The following SUGCT variants were observed in gnomAD, a reference collection of about 807,000 sequenced individuals.
SUGCT encodes the protein succinyl-CoA:glutarate-CoA transferase.
SUGCT carries 41 observed loss-of-function variants against 55.0 expected under a neutral mutation model. The ratio of observed to expected loss-of-function variants is 0.74; its 90% CI spans 0.58 to 0.97. SUGCT has a LOEUF of 0.97. SUGCT is among the 50% of genes least tolerant of loss of function. The probability of loss-of-function intolerance (pLI) is 0.00; values close to 1 mark genes in which losing one functional copy is unlikely to be tolerated. For missense variants in SUGCT, 568 were observed against 547.8 expected (o/e 1.04, Z -0.37); for synonymous variants, 187 against 200.4 (o/e 0.93, Z 0.56).
At chr7:40,922,932 C>A in the SUGCT span, among the ~76,000 whole-genome samples, 1 of 152,208 alleles carries the variant, frequency 6.6e-6, no homozygotes, top group Non-Finnish European at 1.5e-5. Flanking sequence ...GAGATTTGCC[C>A]TCTGAGCTGT....
rs576496544 is a variant in SUGCT at position 40,325,698 on chromosome 7, C to T, written c.816+8843C>T. Among the ~76,000 whole-genome samples, 12 of 152,102 alleles carry T rather than the reference C, an allele frequency of 7.9e-5. No individual in the cohort carries two copies. The South Asian group carries it at 1.2e-3, about 16-fold the overall frequency. ...GTGCGTGCCGGTAATCCCAGCTACT[C>T]GGGAGGCTGAGGCAGGAGAATCGCT... On this transcript the variant is annotated intron_variant, in intron 9 of 13. Transcript: ENST00000335693.
At chr7:40,434,781 C>G (rs545771885) in intron 9 of SUGCT, among the ~76,000 whole-genome samples, 9 of 152,282 alleles carry the variant, frequency 5.9e-5, no homozygotes, top group African/African-American at 1.7e-4. Flanking sequence ...CAAGGTCCTG[C>G]CAGGTGCTTG....
chr7:40,258,025 A>G (rs1790933420), intron 7 of SUGCT, among the ~76,000 whole-genome samples: 1 of 152,216 alleles, frequency 6.6e-6, no homozygotes, highest in Non-Finnish European at 1.5e-5. Context: ...ATGGTGTCCC[A>G]GGCTTCTTGC....
At chr7:40,575,442 A>G (rs17171740) in intron 12 of SUGCT, among the ~76,000 whole-genome samples, 3,851 of 152,244 alleles carry the variant, frequency 0.025, 172 homozygotes, top group African/African-American at 0.085. Context: ...GATTCAAAAT[A>G]TGGAAGAAGT....
downstream of SUGCT, among the ~76,000 whole-genome samples, chr7:40,862,872 C>T (rs193121744): frequency 6.6e-6 from 1 of 151,954 alleles, no homozygotes; most frequent in African/African-American, 2.4e-5. Context: ...CTTTGTGTGA[C>T]TACCCAATTA....
At chr7:40,981,445 G>A in the SUGCT span, among the ~76,000 whole-genome samples, 5 of 152,150 alleles carry the variant, frequency 3.3e-5, no homozygotes, top group African/African-American at 1.2e-4. Context: ...ATTAAATGGA[G>A]AAACTGAATG....
intron 11 of SUGCT, among the ~76,000 whole-genome samples, chr7:40,466,885 C>T (rs976167085): frequency 2.0e-5 from 3 of 152,118 alleles, no homozygotes; most frequent in African/African-American, 7.2e-5. Context: ...TGTAAAAATA[C>T]CTACATCACA....
the SUGCT span, among the ~76,000 whole-genome samples, chr7:40,946,076 C>T: frequency 5.2e-4 from 78 of 151,038 alleles, no homozygotes; most frequent in Middle Eastern, 0.011. Flanking sequence ...GGATGATGCA[C>T]GCGATGGTGA....
At chr7:40,379,939 GT>G (rs1395751786) in intron 9 of SUGCT, among the ~76,000 whole-genome samples, 3 of 152,130 alleles carry the variant, frequency 2.0e-5, no homozygotes, top group Admixed American at 2.0e-4. Context: ...CCCTTGATAA[GT>G]TTTTTTGCTT....
chr7:40,248,884 GCT>G (rs1562611298), intron 7 of SUGCT, among the ~76,000 whole-genome samples: 3 of 139,834 alleles, frequency 2.1e-5, no homozygotes, highest in African/African-American at 5.4e-5. Flanking sequence ...GCGCGCGCGC[GCT>G]CGCACACACA....
At chr7:40,227,214 T>G (rs951219520) in intron 6 of SUGCT, among the ~76,000 whole-genome samples, 3 of 151,696 alleles carry the variant, frequency 2.0e-5, no homozygotes, top group Non-Finnish European at 4.4e-5. Context: ...GCCTGGCTAA[T>G]TTTTTTGTAT....
At chr7:40,958,443 T>C in the SUGCT span, among the ~76,000 whole-genome samples, 1 of 151,732 alleles carries the variant, frequency 6.6e-6, no homozygotes, top group Non-Finnish European at 1.5e-5. Context: ...TTCTTCTGCT[T>C]GATCGATTTG....
At chr7:40,169,840 T>C (rs1404219828) in intron 1 of SUGCT, among the ~76,000 whole-genome samples, 1 of 152,030 alleles carries the variant, frequency 6.6e-6, no homozygotes, top group East Asian at 1.9e-4. Flanking sequence ...TAAGTTTTGC[T>C]CCGGGCCTAA....
intron 1 of SUGCT, among the ~76,000 whole-genome samples, chr7:40,151,867 T>C (rs1788594682): frequency 6.6e-6 from 1 of 152,186 alleles, no homozygotes. Flanking sequence ...TGAGGTTTTC[T>C]AAGGATAACT....
chr7:40,830,400 A>T (rs764516424), intron 13 of SUGCT, among the ~76,000 whole-genome samples: 16 of 152,116 alleles, frequency 1.1e-4, no homozygotes, highest in Non-Finnish European at 2.2e-4. Context: ...TGCTCCCTGC[A>T]CTAGTCATGA....
the SUGCT span, among the ~76,000 whole-genome samples, chr7:41,032,862 C>G: frequency 6.6e-6 from 1 of 152,204 alleles, no homozygotes; most frequent in Non-Finnish European, 1.5e-5. Context: ...CTCCCGGGTT[C>G]AAGCGATTCT....
intron 3 of SUGCT, 106 bp from the exon 4 acceptor site, chr7:40,188,389 G>T: frequency 2.7e-6 from 2 of 741,708 alleles, no homozygotes; most frequent in Non-Finnish European, 2.1e-6. Flanking sequence ...AGCAGAGATC[G>T]TTCCTCTGCA....
intron 12 of SUGCT, among the ~76,000 whole-genome samples, chr7:40,687,326 A>G (rs976754418): frequency 6.6e-6 from 1 of 152,134 alleles, no homozygotes. Context: ...TTTAAGCAGA[A>G]ATTCTTGTTT....
At chr7:40,537,250 G>A (rs985854523) in intron 12 of SUGCT, among the ~76,000 whole-genome samples, 2 of 152,096 alleles carry the variant, frequency 1.3e-5, no homozygotes, top group East Asian at 1.9e-4. Context: ...CTATAGCTGC[G>A]TGGCAGAACT....
Sources: allele counts gnomAD v4.1 joint callset (sites outside exome capture counted in the v4.1 genomes callset), GRCh38; gene constraint gnomAD v4.1.1; transcripts MANE v1.5; gene names NCBI Gene and HGNC (gene_info 2026-07-23, HGNC 2026-07-21).